MBD5: variants seen among roughly 807,000 people sequenced by gnomAD.
The protein encoded by MBD5 is methyl-CpG-binding domain protein 5.
A neutral mutation model predicts 117.3 loss-of-function variants in MBD5; 13 were observed. The observed-to-expected ratio is 0.11, with a 90% confidence interval of 0.07 to 0.18. The LOEUF (loss-of-function observed/expected upper bound fraction) is 0.18, where lower values mean the gene tolerates loss of function less well. MBD5 is among the 10% of genes least tolerant of loss of function. MBD5 has a pLI of 1.00. For synonymous variants in MBD5, 727 were observed against 766.4 expected (o/e 0.95, Z 0.85); for missense variants, 1,879 against 2,093.8 (o/e 0.90, Z 2.00).
intron 3 of MBD5, among the ~76,000 whole-genome samples, chr2:148,289,293 A>G (rs1457780057): frequency 1.3e-5 from 2 of 152,226 alleles, no homozygotes; most frequent in African/African-American, 2.4e-5. Context: ...TTCTCCTTTT[A>G]TGAAACTTAT....
intron 1 of MBD5, among the ~76,000 whole-genome samples, chr2:148,048,790 C>T (rs1263640966): frequency 6.6e-6 from 1 of 151,994 alleles, no homozygotes; most frequent in Non-Finnish European, 1.5e-5. Context: ...TGAAAAGTCC[C>T]CCAGAAGGCC....
intron 4 of MBD5, among the ~76,000 whole-genome samples, chr2:148,414,887 A>G (rs1272808600): frequency 6.6e-6 from 1 of 152,100 alleles, no homozygotes; most frequent in East Asian, 1.9e-4. Flanking sequence ...TGAAGACAGC[A>G]TACTTCTGGG....
chr2:148,464,886 C>A (rs1284197335), intron 7 of MBD5, among the ~76,000 whole-genome samples: 1 of 150,660 alleles, frequency 6.6e-6, no homozygotes, highest in East Asian at 1.9e-4. Context: ...TGGGAGATCT[C>A]TTGAACCCAG....
At chr2:148,338,577 G>A (rs1209658071) in intron 3 of MBD5, among the ~76,000 whole-genome samples, 4 of 152,194 alleles carry the variant, frequency 2.6e-5, no homozygotes, top group African/African-American at 9.7e-5. Context: ...GGAAAGACAT[G>A]TCAGTGGGGA....
At chr2:148,314,263 A>G (rs1702102931) in intron 3 of MBD5, among the ~76,000 whole-genome samples, 1 of 152,054 alleles carries the variant, frequency 6.6e-6, no homozygotes, top group South Asian at 2.1e-4. Flanking sequence ...TCATGTGGCA[A>G]AAGGAAATTT....
intron 3 of MBD5, among the ~76,000 whole-genome samples, chr2:148,306,502 C>G (rs10186976): frequency 0.013 from 1,919 of 151,856 alleles, 40 homozygotes; most frequent in African/African-American, 0.044. Flanking sequence ...TAATAATACT[C>G]AATAATAGTA....
intron 1 of MBD5, among the ~76,000 whole-genome samples, chr2:148,174,443 A>G (rs1402870003): frequency 6.6e-6 from 1 of 152,176 alleles, no homozygotes; most frequent in Non-Finnish European, 1.5e-5. Context: ...GAAAACAAAA[A>G]TAGATAAAGG....
At chr2:148,087,714 C>T (rs902606655) in intron 1 of MBD5, among the ~76,000 whole-genome samples, 1 of 152,194 alleles carries the variant, frequency 6.6e-6, no homozygotes, top group African/African-American at 2.4e-5. Flanking sequence ...AGAATCTCAA[C>T]AGCAGCACTC....
intron 1 of MBD5, among the ~76,000 whole-genome samples, chr2:148,077,019 A>C (rs1252692584): frequency 6.6e-6 from 1 of 152,222 alleles, no homozygotes; most frequent in Admixed American, 6.5e-5. Flanking sequence ...GAAGGGGACT[A>C]TGCAACAGAG....
intron 1 of MBD5, among the ~76,000 whole-genome samples, chr2:148,063,396 T>C (rs1038122284): frequency 3.3e-5 from 5 of 152,164 alleles, no homozygotes; most frequent in African/African-American, 1.2e-4. Context: ...TCTTTCCAGA[T>C]TGTGTTACTC....
intron 4 of MBD5, among the ~76,000 whole-genome samples, chr2:148,368,812 G>T (rs1703774025): frequency 6.6e-6 from 1 of 151,952 alleles, no homozygotes; most frequent in Non-Finnish European, 1.5e-5. Flanking sequence ...AATAGAGTTA[G>T]AAAATGATTT....
In MBD5 at chr2:148,267,942, T is replaced by C. The variant is rs569348102; in HGVS notation, c.-680+34547T>C. Among the ~76,000 whole-genome samples, 9 of 147,330 alleles carry C rather than the reference T, an allele frequency of 6.1e-5. No individual in the cohort carries two copies. In the South Asian group the frequency reaches 1.3e-3, roughly 21 times the overall value. ...TTTTCTTTTCTCTCTCGCTCTCTTTTCTTTTTTTTCTTTTTTTTTTTTTTT... is the reference window on the plus strand; with the variant it reads ...TTTTCTTTTCTCTCTCGCTCTCTTTCCTTTTTTTTCTTTTTTTTTTTTTTT... On this transcript the variant is annotated intron_variant, in intron 3 of 13. Transcript: ENST00000642680.
chr2:148,319,570 A>G (rs1278905194), intron 3 of MBD5, among the ~76,000 whole-genome samples: 1 of 152,204 alleles, frequency 6.6e-6, no homozygotes, highest in Non-Finnish European at 1.5e-5. Context: ...TTATTGGCAC[A>G]TAGAAATGCT....
chr2:148,482,896 G>A (rs899739546), intron 8 of MBD5, among the ~76,000 whole-genome samples: 1 of 151,872 alleles, frequency 6.6e-6, no homozygotes, highest in African/African-American at 2.4e-5. Flanking sequence ...TCAATAAAAC[G>A]TCTTCAATAT....
At chr2:148,119,300 A>G (rs1443418212) in intron 1 of MBD5, among the ~76,000 whole-genome samples, 3 of 152,152 alleles carry the variant, frequency 2.0e-5, no homozygotes, top group Non-Finnish European at 2.9e-5. Flanking sequence ...TATAGGCCAC[A>G]TTTATAACTT....
At chr2:148,252,303 C>G (rs1252556137) in intron 3 of MBD5, among the ~76,000 whole-genome samples, 1 of 151,502 alleles carries the variant, frequency 6.6e-6, no homozygotes, top group Non-Finnish European at 1.5e-5. Flanking sequence ...CTACAAAATA[C>G]AAAAAAAATA....
At chr2:148,383,615 C>T (rs954243860) in intron 4 of MBD5, among the ~76,000 whole-genome samples, 2 of 151,096 alleles carry the variant, frequency 1.3e-5, no homozygotes, top group African/African-American at 4.9e-5. Flanking sequence ...ATGAGGCCAG[C>T]ATCATCCTGA....
intron 3 of MBD5, among the ~76,000 whole-genome samples, chr2:148,302,797 T>A (rs1701804405): frequency 9.2e-6 from 1 of 108,168 alleles, no homozygotes; most frequent in Non-Finnish European, 2.2e-5. Context: ...ACCTGGCTAA[T>A]TTTTTTTTTA....
At chr2:148,471,075 A>G (rs1301624590) in intron 8 of MBD5, 1 of 152,086 alleles carries the variant, frequency 6.6e-6, no homozygotes, top group African/African-American at 2.4e-5. Flanking sequence ...AAAAAAGCTA[A>G]TAATTTAAGC....
Sources: allele counts gnomAD v4.1 joint callset (sites outside exome capture counted in the v4.1 genomes callset), GRCh38; gene constraint gnomAD v4.1.1; transcripts MANE v1.5; gene names NCBI Gene and HGNC (gene_info 2026-07-23, HGNC 2026-07-21).